GRM7: variants seen among roughly 807,000 people sequenced by gnomAD.
GRM7 encodes the protein glutamate metabotropic receptor 7, also known as metabotropic glutamate receptor 7.
GRM7 carries 35 observed loss-of-function variants against 84.5 expected under a neutral mutation model. The ratio of observed to expected loss-of-function variants is 0.41; its 90% CI spans 0.32 to 0.55. The LOEUF is 0.55. Among genes scored for constraint, GRM7 ranks in the 20% least tolerant of loss-of-function variants. GRM7 has a pLI of 0.19. For synonymous variants in GRM7, 487 were observed against 455.1 expected (o/e 1.07, Z -0.89); for missense variants, 1,003 against 1,194.6 (o/e 0.84, Z 2.36).
intron 2 of GRM7, among the ~76,000 whole-genome samples, chr3:7,294,410 C>G (rs1699744041): frequency 6.6e-6 from 1 of 152,120 alleles, no homozygotes; most frequent in South Asian, 2.1e-4. Context: ...ATAATGCTTT[C>G]CAGACTTGGA....
chr3:7,652,224 T>C (rs961559537), intron 8 of GRM7, among the ~76,000 whole-genome samples: 6 of 152,180 alleles, frequency 3.9e-5, no homozygotes, highest in Middle Eastern at 3.4e-3. Context: ...CCAGTAATAA[T>C]CAAGCCAAGA....
At chr3:7,708,660 C>T (rs1701479264) in intron 9 of GRM7, among the ~76,000 whole-genome samples, 1 of 152,012 alleles carries the variant, frequency 6.6e-6, no homozygotes, top group Non-Finnish European at 1.5e-5. Flanking sequence ...GGAAGAGGGA[C>T]AGAAAGAGTT....
At chr3:7,155,822 C>G (rs1372093235) in intron 2 of GRM7, among the ~76,000 whole-genome samples, 1 of 152,088 alleles carries the variant, frequency 6.6e-6, no homozygotes, top group East Asian at 1.9e-4. Flanking sequence ...TAGTAGCCGT[C>G]CCAAACACAC....
At chr3:7,629,503 T>C (rs1342062683) in intron 8 of GRM7, among the ~76,000 whole-genome samples, 2 of 152,170 alleles carry the variant, frequency 1.3e-5, no homozygotes, top group Non-Finnish European at 2.9e-5. Flanking sequence ...CCTTTTCTTA[T>C]GTGGACACCA....
intron 1 of GRM7, among the ~76,000 whole-genome samples, chr3:7,133,915 T>A (rs1281499039): frequency 1.3e-5 from 2 of 152,158 alleles, no homozygotes; most frequent in African/African-American, 4.8e-5. Flanking sequence ...GGAAAGGCCT[T>A]CATTGTATTA....
At chr3:7,265,401 T>C (rs943624712) in intron 2 of GRM7, among the ~76,000 whole-genome samples, 1 of 152,196 alleles carries the variant, frequency 6.6e-6, no homozygotes, top group Non-Finnish European at 1.5e-5. Flanking sequence ...AGTTGGATAA[T>C]ATTATTATCC....
chr3:6,866,311 A>G (rs1392820873), intron 1 of GRM7, among the ~76,000 whole-genome samples: 1 of 149,584 alleles, frequency 6.7e-6, no homozygotes, highest in Non-Finnish European at 1.5e-5. Context: ...AAATCTCTTA[A>G]TTTTTCTAGG....
At chr3:7,735,968 C>G (rs924465358) in intron 9 of GRM7, among the ~76,000 whole-genome samples, 4 of 152,174 alleles carry the variant, frequency 2.6e-5, no homozygotes, top group Admixed American at 2.6e-4. Context: ...AAATGGCTCT[C>G]CCATATAAAT....
At chr3:7,238,481 G>A (rs1294306671) in intron 2 of GRM7, among the ~76,000 whole-genome samples, 2 of 151,928 alleles carry the variant, frequency 1.3e-5, no homozygotes, top group African/African-American at 4.8e-5. Context: ...TAGTTCTCAT[G>A]TTGTCTAATA....
intron 8 of GRM7, among the ~76,000 whole-genome samples, chr3:7,617,477 A>G (rs751719818): frequency 9.9e-5 from 15 of 152,130 alleles, no homozygotes; most frequent in Non-Finnish European, 1.8e-4. Flanking sequence ...CATAAATATA[A>G]CACAAATTTG....
chr3:7,393,508 T>C (rs1474547790), intron 4 of GRM7, among the ~76,000 whole-genome samples: 1 of 152,214 alleles, frequency 6.6e-6, no homozygotes, highest in Non-Finnish European at 1.5e-5. Flanking sequence ...ACAAGCTACC[T>C]GGAACCTCTC....
At chr3:7,708,236 T>G (rs1701459123) in intron 9 of GRM7, among the ~76,000 whole-genome samples, 1 of 152,076 alleles carries the variant, frequency 6.6e-6, no homozygotes, top group African/African-American at 2.4e-5. Flanking sequence ...GAACACGTGC[T>G]TTCATGTACT....
intron 9 of GRM7, among the ~76,000 whole-genome samples, chr3:7,683,674 G>A (rs974707000): frequency 1.4e-4 from 21 of 152,348 alleles, no homozygotes; most frequent in African/African-American, 4.8e-4. Flanking sequence ...AATAGAGTAA[G>A]CACTAGCACA....
At chr3:7,273,261 TG>T (rs56327197) in intron 2 of GRM7, among the ~76,000 whole-genome samples, 152,200 of 152,200 alleles carry the variant, frequency 1, 76,100 homozygotes, top group Non-Finnish European at 1. Context: ...GAGATGTGTT[TG>T]TATGGCCCAA....
At chr3:7,221,055 C>T (rs972643113) in intron 2 of GRM7, among the ~76,000 whole-genome samples, 1 of 152,144 alleles carries the variant, frequency 6.6e-6, no homozygotes, top group African/African-American at 2.4e-5. Flanking sequence ...CGAGATCACA[C>T]CACTGCACTA....
chr3:7,501,163 ACTT>A (rs1487740491), intron 7 of GRM7, among the ~76,000 whole-genome samples: 2 of 152,212 alleles, frequency 1.3e-5, no homozygotes, highest in African/African-American at 4.8e-5. Context: ...TCCATGCATT[ACTT>A]CTTCTGATTC....
intron 1 of GRM7, among the ~76,000 whole-genome samples, chr3:7,026,271 C>T (rs750810184): frequency 7.9e-5 from 12 of 152,188 alleles, no homozygotes; most frequent in East Asian, 3.9e-4. Context: ...GTCCAGCACC[C>T]TGTGGGCACT....
chr3:7,007,515 C>G (rs1230354541), intron 1 of GRM7, among the ~76,000 whole-genome samples: 2 of 152,174 alleles, frequency 1.3e-5, no homozygotes, highest in Non-Finnish European at 1.5e-5. Flanking sequence ...CTCAGAGTCT[C>G]TAAGAACATA....
chr3:7,293,638 G>A (rs7653121), intron 2 of GRM7, among the ~76,000 whole-genome samples: 7,205 of 152,244 alleles, frequency 0.047, 556 homozygotes, highest in African/African-American at 0.16. Flanking sequence ...TTTTCCGTGT[G>A]TCAGAGGGAG....
Sources: gnomAD v4.1 joint callset for allele counts (sites outside exome capture counted in the v4.1 genomes callset) on GRCh38, gnomAD v4.1.1 for gene constraint, MANE v1.5 for transcripts, NCBI Gene and HGNC (gene_info 2026-07-23, HGNC 2026-07-21) for gene names.